The following OBI1 variants were observed in gnomAD, a reference collection of about 807,000 sequenced individuals.
OBI1 encodes ring finger protein 219.
OBI1 carries 59 observed loss-of-function variants against 62.4 expected under a neutral mutation model. That is an observed-to-expected ratio of 0.95 (90% CI 0.77 to 1.17). OBI1 has a LOEUF of 1.17. Ranked by LOEUF, OBI1 falls within the 50% of genes most tolerant of loss-of-function variation. The pLI, the probability that OBI1 is intolerant of heterozygous loss-of-function variation, is 0.00. For synonymous variants in OBI1, 302 were observed against 292.8 expected (o/e 1.03, Z -0.32); for missense variants, 875 against 830.9 (o/e 1.05, Z -0.65).
At chr13:78,627,921 C>T (rs1176859665) in intron 5 of OBI1, among the ~76,000 whole-genome samples, 1 of 152,038 alleles carries the variant, frequency 6.6e-6, no homozygotes, top group Non-Finnish European at 1.5e-5. Context: ...TTCAATTATT[C>T]AAAAAATATT....
In OBI1 at chr13:78,615,335, CA is replaced by C; in HGVS notation, c.*244del. ...CAACCAACCAACCAACCCCAAAACA[CA>C]AAAATAACCTCCTCCCTAACTTCTC... On this transcript the variant is annotated 3_prime_UTR_variant, in exon 6 of 6. Transcript: ENST00000282003. 3.0e-6 allele frequency: 1 copy of C among 335,654 alleles called. No homozygotes were observed. The highest frequency in any genetic ancestry group is 7.9e-4 in the Middle Eastern group (1 of 1,268). The allele number at this position is 335,654 out of a possible 1,614,324, so 20.8% of individuals were successfully genotyped here. A position where few individuals can be genotyped will look rare whatever the true frequency, so the allele number is the denominator to read the frequency against.
chr13:78,644,396 C>T (rs918038168), intron 2 of OBI1, among the ~76,000 whole-genome samples: 12 of 152,244 alleles, frequency 7.9e-5, no homozygotes, highest in Non-Finnish European at 1.6e-4. Flanking sequence ...TTTCTAAAAA[C>T]ATGCTCTGGG....
At chr13:78,636,573 T>C (rs1340424249) in intron 4 of OBI1, among the ~76,000 whole-genome samples, 1 of 152,286 alleles carries the variant, frequency 6.6e-6, no homozygotes, top group East Asian at 1.9e-4. Flanking sequence ...GAACATTATT[T>C]GGGGGCATAA....
chr13:78,640,038 A>AC (rs1458336417), intron 3 of OBI1, among the ~76,000 whole-genome samples: 1 of 152,204 alleles, frequency 6.6e-6, no homozygotes, highest in African/African-American at 2.4e-5. Context: ...AAACAAACAA[A>AC]AAAAAGATAT....
At chr13:78,649,999 T>C (rs1008743158) in intron 1 of OBI1, among the ~76,000 whole-genome samples, 1 of 152,204 alleles carries the variant, frequency 6.6e-6, no homozygotes, top group Non-Finnish European at 1.5e-5. Flanking sequence ...TTTTGAAAAG[T>C]GAGAAAGCTA....
intron 5 of OBI1, among the ~76,000 whole-genome samples, chr13:78,625,737 T>C (rs940951249): frequency 2.6e-5 from 4 of 152,218 alleles, no homozygotes; most frequent in Non-Finnish European, 5.9e-5. Flanking sequence ...TGTCACAGTC[T>C]GGCCCCAGGG....
rs762999219 is a variant in OBI1, at chr13:78,617,036, C to A, written c.725G>T (p.Arg242Leu). The A allele has an allele frequency of 6.2e-7, 1 of 1,613,572 alleles. No homozygotes were observed. Among genetic ancestry groups the A allele is most frequent in the Non-Finnish European group, 8.5e-7 (1 of 1,179,872 alleles). The change falls in exon 6 of 6, where the codon CGA becomes CTA. Residue 242 changes from arginine to leucine, a missense_variant. By Grantham distance (102) the Arg-to-Leu change is moderately radical. Coordinates refer to ENST00000282003, the MANE Select transcript of OBI1 (RefSeq NM_024546.4). ...TAGTTCCTCTATATACTTATCACTTCGTTCCAGGGCTTTCTTGAGGCGATT... is the reference window on the plus strand; with the variant it reads ...TAGTTCCTCTATATACTTATCACTTAGTTCCAGGGCTTTCTTGAGGCGATT... ...ETNRLKKALE[R>L]SDKYIEELES...
At chr13:78,641,924 T>A (rs904735381) in intron 3 of OBI1, among the ~76,000 whole-genome samples, 198 bp downstream of exon 3, 3 of 148,752 alleles carry the variant, frequency 2.0e-5, no homozygotes, top group East Asian at 3.9e-4. Flanking sequence ...AGAAAAAAAA[T>A]AAAACAAAAA....
At chr13:78,637,276 T>C (rs1427649084) in intron 4 of OBI1, among the ~76,000 whole-genome samples, 1 of 152,234 alleles carries the variant, frequency 6.6e-6, no homozygotes, top group African/African-American at 2.4e-5. Context: ...CTGCAGTCCA[T>C]GTTTTTTCAT....
chr13:78,652,003 T>C (rs185011422), intron 1 of OBI1, among the ~76,000 whole-genome samples: 66 of 152,324 alleles, frequency 4.3e-4, no homozygotes, highest in South Asian at 1.0e-3. Flanking sequence ...GACAAAATGA[T>C]ACAGAACCAC....
At position 78,615,284 on chromosome 13, in the gene OBI1, T is replaced by TA. The variant is rs981130401; in HGVS notation, c.*295dup. On this transcript the variant is annotated 3_prime_UTR_variant, in exon 6 of 6. Coordinates refer to ENST00000282003, the MANE Select transcript of OBI1 (RefSeq NM_024546.4). ...CAACCGAGATACATATCAAATTCAG[T>TA]AAAAAAACAAAACCAAAAACAAAAC... is the stretch of plus-strand genomic sequence containing the variant. 7.8e-5 allele frequency: 19 copies of TA among 242,744 alleles called. No individual in the cohort carries two copies. Among genetic ancestry groups the TA allele is most frequent in the African/African-American group, 3.3e-4 (14 of 42,662 alleles). 15.0% of individuals were successfully genotyped at this position (242,744 alleles called of 1,614,324 possible).
At chr13:78,628,471 C>T (rs1875746786) in intron 5 of OBI1, among the ~76,000 whole-genome samples, 1 of 152,158 alleles carries the variant, frequency 6.6e-6, no homozygotes, top group Non-Finnish European at 1.5e-5. Context: ...TTGAAGGAGA[C>T]AGCCATGTAA....
In OBI1 at chr13:78,615,906, C is replaced by G; in HGVS notation, c.1855G>C (p.Asp619His). The G allele has an allele frequency of 6.2e-7, 1 of 1,614,022 alleles. No individual in the cohort carries two copies. Among genetic ancestry groups the G allele is most frequent in the Non-Finnish European group, 8.5e-7 (1 of 1,179,996 alleles). The stretch of plus-strand genomic sequence containing the variant: ...GAAAAATCTTCATTCATTTCTTGGT[C>G]AGATGGAGAGAGGAGAAAAAAAGAA... ...PTSFFLLSPS[D>H]QEMNEDFSLH... Residue 619 changes from aspartate (D) to histidine (H), a missense_variant, in exon 6 of 6, where the codon GAC becomes CAC. By Grantham distance (81) the Asp-to-His change is moderately conservative. Transcript: ENST00000282003.
In OBI1 at chr13:78,615,713, T is replaced by C. The variant is rs139912344; in HGVS notation, c.2048A>G (p.His683Arg). 5.0e-6 allele frequency: 8 copies of C among 1,614,010 alleles called. No individual in the cohort carries two copies. The highest frequency in any genetic ancestry group is 6.8e-6 in the Non-Finnish European group (8 of 1,179,980). Residue 683 changes from histidine (H) to arginine (R), a missense_variant, in exon 6 of 6, where the codon CAT becomes CGT. By Grantham distance (29) the His-to-Arg change is conservative. Coordinates refer to ENST00000282003, the MANE Select transcript of OBI1 (RefSeq NM_024546.4). ...FKMSSEMHSL[H>R]NHLQSPWSTS... ...AGACCAAGGAGACTGAAGGTGGTTA[T>C]GAAGACTGTGCATCTCTGAGGACAT...
At chr13:78,638,399 G>A (rs1469653762) in intron 4 of OBI1, among the ~76,000 whole-genome samples, 1 of 152,142 alleles carries the variant, frequency 6.6e-6, no homozygotes, top group South Asian at 2.1e-4. Context: ...GAGAGTGGTA[G>A]CAAAAGAAAA....
At chr13:78,619,807 T>C (rs1875451241) in intron 5 of OBI1, among the ~76,000 whole-genome samples, 1 of 152,238 alleles carries the variant, frequency 6.6e-6, no homozygotes, top group Admixed American at 6.5e-5. Context: ...TGTGTATTTC[T>C]TGAATAAAAG....
chr13:78,630,203 A>G (rs1033557866), intron 5 of OBI1, among the ~76,000 whole-genome samples: 7 of 152,120 alleles, frequency 4.6e-5, no homozygotes, highest in African/African-American at 1.7e-4. Flanking sequence ...TTTGTTTCAT[A>G]TATTTTCATG....
At chr13:78,635,534 C>G (rs1016995932) in intron 4 of OBI1, among the ~76,000 whole-genome samples, 2 of 152,110 alleles carry the variant, frequency 1.3e-5, no homozygotes, top group African/African-American at 4.8e-5. Flanking sequence ...ATATTCTAGG[C>G]AAGGTAACAT....
chr13:78,638,481 G>A (rs953332880), intron 4 of OBI1, among the ~76,000 whole-genome samples: 2 of 152,174 alleles, frequency 1.3e-5, no homozygotes, highest in African/African-American at 2.4e-5. Context: ...CACAGGGGAA[G>A]TCGCTGATAT....
Sources: allele counts gnomAD v4.1 joint callset (sites outside exome capture counted in the v4.1 genomes callset), GRCh38; gene constraint gnomAD v4.1.1; transcripts MANE v1.5; gene names NCBI Gene and HGNC (gene_info 2026-07-23, HGNC 2026-07-21).